SCUBE3: variants seen among roughly 807,000 people sequenced by gnomAD.
The protein encoded by SCUBE3 is signal peptide, CUB and EGF-like domain-containing protein 3.
A neutral mutation model predicts 116.8 loss-of-function variants in SCUBE3; 33 were observed. That is an observed-to-expected ratio of 0.28 (90% CI 0.21 to 0.38). SCUBE3 has a LOEUF of 0.38. SCUBE3 is among the 10% of genes least tolerant of loss of function. SCUBE3 has a pLI of 1.00. For synonymous variants in SCUBE3, 418 were observed against 496.9 expected (o/e 0.84, Z 2.11); for missense variants, 1,007 against 1,324.8 (o/e 0.76, Z 3.72).
chr6:35,242,895 C>T, intron 14 of SCUBE3, 115 bp downstream of exon 14: 1 of 1,503,094 alleles, frequency 6.7e-7, no homozygotes, highest in African/African-American at 1.4e-5. Flanking sequence ...GCAGACCCTG[C>T]CTGGTGCCAA....
chr6:35,242,324 T>C lies in SCUBE3; in HGVS notation c.1534+4T>C. On this transcript the variant is annotated splice_donor_region_variant and intron_variant, in intron 13 of 21. Coordinates refer to ENST00000274938, the MANE Select transcript of SCUBE3 (RefSeq NM_152753.4). Reference sequence around the variant, plus strand: ...GCTGGCAGAATCACAGGGCCAGGTTTGGACTGGGGACCCCATTCCAGTTGG... The same window carrying C: ...GCTGGCAGAATCACAGGGCCAGGTTCGGACTGGGGACCCCATTCCAGTTGG... 6.3e-7 allele frequency: 1 copy of C among 1,592,766 alleles called. No homozygotes were observed.
At position 35,241,902 on chromosome 6, in the gene SCUBE3, ACTG is replaced by A. The variant is rs779346251; in HGVS notation, c.1411_1413del (p.Cys471del). On this transcript the variant is annotated inframe_deletion, in exon 12 of 22. Coordinates refer to ENST00000274938, the MANE Select transcript of SCUBE3 (RefSeq NM_152753.4). The surrounding 1 kb of genome is among the most constrained non-coding windows in gnomAD (Gnocchi z 4.1). ...AATGGGAACAGCACCAACTCCAACCACTGCCATGGTAAGCACCAGCCCAGAAGC... is the reference window on the plus strand; with the variant it reads ...AATGGGAACAGCACCAACTCCAACCACCATGGTAAGCACCAGCCCAGAAGC... 5 of 1,606,324 alleles carry A rather than the reference ACTG, an allele frequency of 3.1e-6. No homozygotes were observed. The Admixed American group carries it at 8.3e-5, about 27-fold the overall frequency.
chr6:35,243,805 G>A lies in SCUBE3; in HGVS notation c.2071+50G>A. 1 of 1,585,900 alleles carries A rather than the reference G, an allele frequency of 6.3e-7. No individual in the cohort carries two copies. The highest frequency in any genetic ancestry group is 8.6e-7 in the Non-Finnish European group (1 of 1,158,090). On this transcript the variant is annotated intron_variant, in intron 16 of 21. Transcript: ENST00000274938. The surrounding 1 kb of genome is among the most constrained non-coding windows in gnomAD (Gnocchi z 6.6). ...AGTGGGGTAGGGTGGGCACTGGGAT[G>A]CCCATGGGCATGGGATTTCCCAAAG... is the stretch of plus-strand genomic sequence containing the variant.
chr6:35,214,580 G>C lies in SCUBE3; in HGVS notation c.85+77G>C. The C allele has an allele frequency of 1.1e-6, 1 of 942,238 alleles. No homozygotes were observed. The allele number at this position is 942,238 out of a possible 1,614,324, so 58.4% of individuals were successfully genotyped here. On this transcript the variant is annotated intron_variant, in intron 1 of 21. Transcript: ENST00000274938. The surrounding 1 kb of genome is among the most constrained non-coding windows in gnomAD (Gnocchi z 6.3). ...AGGGCCTAGGAGCGATTCCCGAGGG[G>C]CAGGGCAGGTGCTGGGGAGCGTGCT...
chr6:35,240,320 C>A lies in SCUBE3; in HGVS notation c.953-54C>A. On this transcript the variant is annotated intron_variant, in intron 8 of 21. Transcript: ENST00000274938. This position sits in a 1 kb window ranked among gnomAD's most constrained non-coding sequence, Gnocchi z 4.6. ...CCCTCACTTGGGTCCTTCACCTGAG[C>A]AAGGGTCAAGTGCTCCAAGACAGAT... 1 of 1,111,756 alleles carries A rather than the reference C, an allele frequency of 9.0e-7. No individual in the cohort carries two copies. Among genetic ancestry groups the A allele is most frequent in the Non-Finnish European group, 1.3e-6 (1 of 766,474 alleles). The allele number at this position is 1,111,756 out of a possible 1,614,324, so 68.9% of individuals were successfully genotyped here.
rs1183644501 is a variant in SCUBE3 at position 35,226,478 on chromosome 6, TC to T, written c.86-1100del. ...CTCAGAAGTTGGACTCTTTTCTATG[TC>T]CTTTTTTTTTTTTTTTTTTTTTTGA... On this transcript the variant is annotated intron_variant, in intron 1 of 21. Coordinates refer to ENST00000274938, the MANE Select transcript of SCUBE3 (RefSeq NM_152753.4). Among the ~76,000 whole-genome samples, 191 of 111,720 alleles carry T rather than the reference TC, an allele frequency of 1.7e-3. 1 individual carries two copies. The highest frequency in any genetic ancestry group is 2.5e-3 in the Non-Finnish European group (137 of 54,118). 73.3% of individuals were successfully genotyped at this position (111,720 alleles called of 152,430 possible). A position where few individuals can be genotyped will look rare whatever the true frequency, so the allele number is the denominator to read the frequency against.
In SCUBE3 at chr6:35,214,504, G is replaced by T; in HGVS notation, c.85+1G>T. The T allele has an allele frequency of 6.7e-7, 1 of 1,488,464 alleles. No homozygotes were observed. The allele number at this position is 1,488,464 out of a possible 1,614,324, so 92.2% of individuals were successfully genotyped here. The stretch of plus-strand genomic sequence containing the variant: ...GCCCAGTACAGCAAAGCCGCGCAAG[G>T]TAAGGAAGGAGGGGCGCGCGGCCTG... On this transcript the variant is annotated splice_donor_variant, in intron 1 of 21. Coordinates refer to ENST00000274938, the MANE Select transcript of SCUBE3 (RefSeq NM_152753.4). LOFTEE classifies it high-confidence loss of function. This position sits in a 1 kb window ranked among gnomAD's most constrained non-coding sequence, Gnocchi z 6.3.
At position 35,252,521 on chromosome 6, in the gene SCUBE3, T is replaced by C. The variant is rs1266898349; in HGVS notation, c.*3816T>C. 6.6e-6 allele frequency: 1 copy of C among 152,210 alleles called. No individual in the cohort carries two copies. Among genetic ancestry groups the C allele is most frequent in the African/African-American group, 2.4e-5 (1 of 41,452 alleles). 9.4% of individuals were successfully genotyped at this position (152,210 alleles called of 1,614,324 possible). A position where few individuals can be genotyped will look rare whatever the true frequency, so the allele number is the denominator to read the frequency against. On this transcript the variant is annotated 3_prime_UTR_variant, in exon 22 of 22. Transcript: ENST00000274938. Reference sequence around the variant, plus strand: ...GAACTTTTGTATTTGCTGCTTAACCTCAATATTACAGCCACAAACAAGGGG... The same window carrying C: ...GAACTTTTGTATTTGCTGCTTAACCCCAATATTACAGCCACAAACAAGGGG...
In SCUBE3 at chr6:35,241,553, G is replaced by A. The variant is rs1784053911; in HGVS notation, c.1206G>A (p.Lys402=). Residue 402 remains lysine (K), a synonymous_variant, in exon 11 of 22, where the codon AAG becomes AAA. Transcript: ENST00000274938. This position sits in a 1 kb window ranked among gnomAD's most constrained non-coding sequence, Gnocchi z 4.1. ...CTCTCCCCTTCCTAGAGCCACTGAAGTGTCAGGGCAGTCCTGGGGCCTCGA... is the reference window on the plus strand; with the variant it reads ...CTCTCCCCTTCCTAGAGCCACTGAAATGTCAGGGCAGTCCTGGGGCCTCGA... ...WNGKDCTEPL[K]CQGSPGASKA... 1.2e-6 allele frequency: 2 copies of A among 1,612,390 alleles called. No individual in the cohort carries two copies. Among genetic ancestry groups the A allele is most frequent in the African/African-American group, 2.7e-5 (2 of 75,010 alleles).
Position 35,240,146 on chromosome 6 carries a change from C to G in SCUBE3, c.953-228C>G, listed in dbSNP as rs553397785. Among the ~76,000 whole-genome samples, 1 of 152,224 alleles carries G rather than the reference C, an allele frequency of 6.6e-6. No homozygotes were observed. Among genetic ancestry groups the G allele is most frequent in the South Asian group, 2.1e-4 (1 of 4,812 alleles). Reference sequence around the variant, plus strand: ...ACGTACCTAACCACACATGGTGGGCCCTGACCTAAAGGCACCAGATCTTGC... The same window carrying G: ...ACGTACCTAACCACACATGGTGGGCGCTGACCTAAAGGCACCAGATCTTGC... On this transcript the variant is annotated intron_variant, in intron 8 of 21. Transcript: ENST00000274938. This position sits in a 1 kb window ranked among gnomAD's most constrained non-coding sequence, Gnocchi z 4.6.
Position 35,245,574 on chromosome 6 carries a change from A to T in SCUBE3, c.2599+149A>T. ...TAGTGAGAGGCCTTTAGGAAGAGAG[A>T]AGCTAACAAAGGAAAACAGCAATGA... is the stretch of plus-strand genomic sequence containing the variant. On this transcript the variant is annotated intron_variant, in intron 19 of 21. Coordinates refer to ENST00000274938, the MANE Select transcript of SCUBE3 (RefSeq NM_152753.4). This position sits in a 1 kb window ranked among gnomAD's most constrained non-coding sequence, Gnocchi z 4.2. 2 of 673,700 alleles carry T rather than the reference A, an allele frequency of 3.0e-6. No individual in the cohort carries two copies. Among genetic ancestry groups the T allele is most frequent in the Admixed American group, 5.5e-5 (2 of 36,072 alleles). 41.7% of individuals were successfully genotyped at this position (673,700 alleles called of 1,614,324 possible).
rs1784511474 is a variant in SCUBE3, at chr6:35,250,424, G to A, written c.*1719G>A. On this transcript the variant is annotated 3_prime_UTR_variant, in exon 22 of 22. Coordinates refer to ENST00000274938, the MANE Select transcript of SCUBE3 (RefSeq NM_152753.4). ...TCAGGGTCCCGAGGCCAGAGACAAA[G>A]CTGTGGGAGCCAAGAATAAGACAGA... 1 of 152,222 alleles carries A rather than the reference G, an allele frequency of 6.6e-6. No homozygotes were observed. Among genetic ancestry groups the A allele is most frequent in the South Asian group, 2.1e-4 (1 of 4,828 alleles). The allele number at this position is 152,222 out of a possible 1,614,324, so 9.4% of individuals were successfully genotyped here.
intron 1 of SCUBE3, among the ~76,000 whole-genome samples, chr6:35,226,480 C>CT (rs764779695): frequency 0.074 from 6,239 of 84,836 alleles, 985 homozygotes; most frequent in African/African-American, 0.23. Flanking sequence ...TTTCTATGTC[C>CT]TTTTTTTTTT....
At position 35,214,309 on chromosome 6, in the gene SCUBE3, G is replaced by C; in HGVS notation, c.-110G>C. The C allele has an allele frequency of 1.9e-6, 1 of 538,598 alleles. No homozygotes were observed. Among genetic ancestry groups the C allele is most frequent in the South Asian group, 6.2e-5 (1 of 16,124 alleles). 33.4% of individuals were successfully genotyped at this position (538,598 alleles called of 1,614,324 possible). On this transcript the variant is annotated 5_prime_UTR_variant, in exon 1 of 22. Transcript: ENST00000274938. This position sits in a 1 kb window ranked among gnomAD's most constrained non-coding sequence, Gnocchi z 6.3. ...CGACTGCAGCCCCCGGCCTGGCCCCGGCGGGGCGCCCCCTCCCCTCCCCCT... is the reference window on the plus strand; with the variant it reads ...CGACTGCAGCCCCCGGCCTGGCCCCCGCGGGGCGCCCCCTCCCCTCCCCCT...
Position 35,240,381 on chromosome 6 carries a change from C to T in SCUBE3, c.960C>T (p.Asp320=), listed in dbSNP as rs139193521. 140 of 1,587,870 alleles carry T rather than the reference C, an allele frequency of 8.8e-5. No individual in the cohort carries two copies. Among genetic ancestry groups the T allele is most frequent in the Non-Finnish European group, 1.1e-4 (124 of 1,161,482 alleles). Residue 320 remains aspartate (D), a synonymous_variant, in exon 9 of 22, where the codon GAC becomes GAT. Coordinates refer to ENST00000274938, the MANE Select transcript of SCUBE3 (RefSeq NM_152753.4). The surrounding 1 kb of genome is among the most constrained non-coding windows in gnomAD (Gnocchi z 4.6). ...GAATCTTTGCTCTTCCAGATATAGACGAGTGTTCCTTTGATCGAACCTGTG... is the reference window on the plus strand; with the variant it reads ...GAATCTTTGCTCTTCCAGATATAGATGAGTGTTCCTTTGATCGAACCTGTG... ...LINERNCQDI[D]ECSFDRTCDH... is the part of the protein sequence containing the mutation.
At chr6:35,220,847 T>C (rs1666355715) in intron 1 of SCUBE3, 1 of 152,354 alleles carries the variant, frequency 6.6e-6, no homozygotes, top group South Asian at 2.1e-4. Flanking sequence ...TTCTGGACTT[T>C]CTCTAGGCTA....
chr6:35,243,833 C>A lies in SCUBE3; in HGVS notation c.2071+78C>A. The A allele has an allele frequency of 6.5e-7, 1 of 1,545,492 alleles. No homozygotes were observed. Among genetic ancestry groups the A allele is most frequent in the East Asian group, 2.3e-5 (1 of 44,252 alleles). On this transcript the variant is annotated intron_variant, in intron 16 of 21. Transcript: ENST00000274938. This position sits in a 1 kb window ranked among gnomAD's most constrained non-coding sequence, Gnocchi z 6.6. ...CATGGGCATGGGATTTCCCAAAGGG[C>A]AGGCCCAGGCTCCAGGCCACTCTCT... is the stretch of plus-strand genomic sequence containing the variant.
chr6:35,248,962 C>A lies in SCUBE3; in HGVS notation c.*257C>A. On this transcript the variant is annotated 3_prime_UTR_variant, in exon 22 of 22. Coordinates refer to ENST00000274938, the MANE Select transcript of SCUBE3 (RefSeq NM_152753.4). The stretch of plus-strand genomic sequence containing the variant: ...GCCATTCAGTACTGGCTCTAGTCCC[C>A]GTGAGATGTAAAGAAACAGTACAGC... 2.1e-6 allele frequency: 1 copy of A among 485,182 alleles called. No individual in the cohort carries two copies. Among genetic ancestry groups the A allele is most frequent in the Non-Finnish European group, 3.7e-6 (1 of 272,266 alleles). 30.1% of individuals were successfully genotyped at this position (485,182 alleles called of 1,614,324 possible). A position where few individuals can be genotyped will look rare whatever the true frequency, so the allele number is the denominator to read the frequency against.
chr6:35,243,295 G>C lies in SCUBE3; in HGVS notation c.1909+59G>C. The C allele has an allele frequency of 7.1e-7, 1 of 1,417,702 alleles. No homozygotes were observed. Among genetic ancestry groups the C allele is most frequent in the Non-Finnish European group, 9.9e-7 (1 of 1,012,544 alleles). The allele number at this position is 1,417,702 out of a possible 1,614,324, so 87.8% of individuals were successfully genotyped here. A position where few individuals can be genotyped will look rare whatever the true frequency, so the allele number is the denominator to read the frequency against. On this transcript the variant is annotated intron_variant, in intron 15 of 21. Coordinates refer to ENST00000274938, the MANE Select transcript of SCUBE3 (RefSeq NM_152753.4). The surrounding 1 kb of genome is among the most constrained non-coding windows in gnomAD (Gnocchi z 6.6). ...AAAGACCCAGTTTGGGCCTGACTCA[G>C]AGCAGGACCCTTTGTGGCCTCAGAT... is the stretch of plus-strand genomic sequence containing the variant.
Sources: gnomAD v4.1 joint callset for allele counts (sites outside exome capture counted in the v4.1 genomes callset) on GRCh38, gnomAD v4.1.1 for gene constraint, Gnocchi (gnomAD v3.1) non-coding constraint, MANE v1.5 for transcripts, NCBI Gene and HGNC (gene_info 2026-07-23, HGNC 2026-07-21) for gene names.